Variants in MKKS observed in about 807,000 individuals in gnomAD.
MKKS encodes the protein MKKS centrosomal shuttling protein.
MKKS carries 29 observed loss-of-function variants against 33.2 expected under a neutral mutation model. The observed-to-expected ratio is 0.87, with a 90% CI of 0.65 to 1.19. MKKS has a LOEUF of 1.19. Ranked by LOEUF, MKKS falls within the 50% of genes most tolerant of loss-of-function variation. MKKS has a pLI of 0.00. For missense variants in MKKS, 661 were observed against 662.3 expected, an observed-to-expected ratio of 1.00 and a Z score of 0.02; for synonymous variants, 260 against 244.0, an observed-to-expected ratio of 1.07 and a Z score of -0.61.
At chr20:10,420,398 C>T (rs2064971376) in intron 2 of MKKS, 130 bp downstream of exon 2, 1 of 152,120 alleles carries the variant, frequency 6.6e-6, no homozygotes, top group African/African-American at 2.4e-5. Context: ...AGTATTTTGC[C>T]AGTGGGTCAC....
At position 10,408,666 on chromosome 20, in the gene MKKS, G is replaced by C; in HGVS notation, c.1123C>G (p.Leu375Val). 6.2e-7 allele frequency: 1 copy of C among 1,614,030 alleles called. No homozygotes were observed. ...CAGGCAGTGTCATTTCTGTTGCAGA[G>C]AAGCAAGCTGCAGATTGTTGCTTCA... is the stretch of plus-strand genomic sequence containing the variant. ...PNEATICSLL[L>V]CNRNDTAWDE... The change falls in exon 4 of 6, where the codon CTC becomes GTC. Residue 375 changes from leucine (L) to valine (V), a missense_variant. By Grantham distance (32) the Leu-to-Val change is conservative (BLOSUM62 1). Transcript: ENST00000347364.
intron 1 of MKKS, among the ~76,000 whole-genome samples, chr20:10,428,681 A>G (rs528837208): frequency 3.9e-5 from 6 of 152,288 alleles, no homozygotes; most frequent in African/African-American, 1.2e-4. Context: ...TCTACCAAAA[A>G]TATGAAAAAT....
In MKKS at chr20:10,405,212, ATTTG is replaced by A. The variant is rs763344757; in HGVS notation, c.*31_*34del. The A allele has an allele frequency of 2.0e-5, 31 of 1,536,566 alleles. No individual in the cohort carries two copies. Among genetic ancestry groups the A allele is most frequent in the Non-Finnish European group, 2.7e-5 (30 of 1,126,480 alleles). On this transcript the variant is annotated 3_prime_UTR_variant, in exon 6 of 6. Transcript: ENST00000347364. Reference sequence around the variant, plus strand: ...TTCTCAATTGCCAACAGACTAGTTTATTTGTTTCTCTTGTAATACGAACATGCTA... The same window carrying A: ...TTCTCAATTGCCAACAGACTAGTTTATTTCTCTTGTAATACGAACATGCTA...
rs377619965 is a variant in MKKS, at chr20:10,413,011, T to C, written c.504A>G (p.Arg168=). The C allele has an allele frequency of 6.2e-7, 1 of 1,613,970 alleles. No individual in the cohort carries two copies. Among genetic ancestry groups the C allele is most frequent in the African/African-American group, 1.3e-5 (1 of 74,922 alleles). Residue 168 remains arginine, a synonymous_variant, in exon 3 of 6, where the codon AGA becomes AGG. Transcript: ENST00000347364. ...LTSKPACMLT[R]KETEHVSALI... ...AAGCACTGACATGCTCTGTTTCCTT[T>C]CTGGTGAGCATACAGGCAGGTTTAC... is the stretch of plus-strand genomic sequence containing the variant.
Position 10,412,776 on chromosome 20 carries a change from T to C in MKKS, c.739A>G (p.Thr247Ala), listed in dbSNP as rs747730988. Residue 247 changes from threonine (T) to alanine (A), a missense_variant, in exon 3 of 6, where the codon ACT becomes GCT. Coordinates refer to ENST00000347364, the MANE Select transcript of MKKS (RefSeq NM_170784.3). ...TALKVALFCTTLSGDTSDTGE... is the reference protein window; with the variant it reads ...TALKVALFCTALSGDTSDTGE... ...GTGTCAGAAGTGTCTCCGGATAAAG[T>C]TGTACAAAAGAGTGCCACCTTGAGG... The C allele has an allele frequency of 6.2e-7, 1 of 1,614,042 alleles. No individual in the cohort carries two copies. The highest frequency in any genetic ancestry group is 2.2e-5 in the East Asian group (1 of 44,888).
At chr20:10,430,919 T>G (rs2065049888) in intron 1 of MKKS, among the ~76,000 whole-genome samples, 1 of 152,226 alleles carries the variant, frequency 6.6e-6, no homozygotes, top group Admixed American at 6.5e-5. Context: ...AACAACGTTT[T>G]ACATAAGAGC....
At chr20:10,406,067 T>G (rs2064841978) in intron 5 of MKKS, among the ~76,000 whole-genome samples, 1 of 152,190 alleles carries the variant, frequency 6.6e-6, no homozygotes, top group Admixed American at 6.5e-5. Flanking sequence ...TGAAGACTGA[T>G]GTCCCAAATG....
rs2064835229 is a variant in MKKS, at chr20:10,405,414, T to C, written c.1546A>G (p.Thr516Ala). 1 of 1,614,082 alleles carries C rather than the reference T, an allele frequency of 6.2e-7. No homozygotes were observed. The highest frequency in any genetic ancestry group is 8.5e-7 in the Non-Finnish European group (1 of 1,180,050). ...EELNWSFLRS[T>A]RRPFVPQSCL... ...CTTTGTGGCACAAATGGACGACGTG[T>C]GCTTCTTAAGAAAGACCAGTTGAGT... Residue 516 changes from threonine (T) to alanine (A), a missense_variant, in exon 6 of 6, where the codon ACA becomes GCA. Thr to Ala is a moderately conservative substitution (Grantham distance 58, BLOSUM62 0). Transcript: ENST00000347364.
At chr20:10,411,040 G>GA (rs2064881557) in intron 3 of MKKS, among the ~76,000 whole-genome samples, 1 of 150,774 alleles carries the variant, frequency 6.6e-6, no homozygotes, top group Admixed American at 6.6e-5. Flanking sequence ...AGGCTGGAGT[G>GA]CAGTGGCGCA....
At position 10,405,009 on chromosome 20, in the gene MKKS, A is replaced by AT; in HGVS notation, c.*237_*238insA. 1 of 344,484 alleles carries AT rather than the reference A, an allele frequency of 2.9e-6. No individual in the cohort carries two copies. The highest frequency in any genetic ancestry group is 5.3e-6 in the Non-Finnish European group (1 of 190,200). 21.3% of individuals were successfully genotyped at this position (344,484 alleles called of 1,614,324 possible). ...GAACAATGTACAGCAGCCAGTATAGAATCCCTAAGATAACTATAATATTTT... is the reference window on the plus strand; with the variant it reads ...GAACAATGTACAGCAGCCAGTATAGATATCCCTAAGATAACTATAATATTTT... On this transcript the variant is annotated 3_prime_UTR_variant, in exon 6 of 6. Transcript: ENST00000347364.
chr20:10,411,904 T>C (rs1162403126), intron 3 of MKKS, among the ~76,000 whole-genome samples: 2 of 152,250 alleles, frequency 1.3e-5, no homozygotes, highest in African/African-American at 4.8e-5. Flanking sequence ...TTTTTGCCTA[T>C]TTTAGTTCTG....
chr20:10,410,552 C>G (rs1654637820), intron 3 of MKKS, among the ~76,000 whole-genome samples: 1 of 152,178 alleles, frequency 6.6e-6, no homozygotes, highest in African/African-American at 2.4e-5. Context: ...TGCTTGAACC[C>G]AGGAGGCAGA....
Position 10,407,681 on chromosome 20 carries a change from C to T in MKKS, c.1207G>A (p.Glu403Lys). 6.2e-7 allele frequency: 1 copy of T among 1,614,032 alleles called. No homozygotes were observed. The highest frequency in any genetic ancestry group is 8.5e-7 in the Non-Finnish European group (1 of 1,179,942). Residue 403 changes from glutamate (E) to lysine (K), a missense_variant, in exon 5 of 6, where the codon GAA (glutamate) becomes AAA (lysine). By Grantham distance (56) the Glu-to-Lys change is moderately conservative (BLOSUM62 1). Transcript: ENST00000347364. ...ALHVLQLTLK[E>K]PWALLGGGCT... ...CCACCTCCCAACAAAGCCCATGGTT[C>T]CTTGAGTGTTAACTGCAGGACATGC...
At chr20:10,431,409 C>T (rs1324627423) in intron 1 of MKKS, among the ~76,000 whole-genome samples, 1 of 151,990 alleles carries the variant, frequency 6.6e-6, no homozygotes, top group East Asian at 1.9e-4. Context: ...GACTACTAGC[C>T]TCAGGGGGGA....
intron 2 of MKKS, among the ~76,000 whole-genome samples, chr20:10,414,265 C>CTTTT (rs533171103): frequency 0.12 from 15,910 of 131,866 alleles, 1,074 homozygotes; most frequent in South Asian, 0.21. Context: ...GTCTCTGAGT[C>CTTTT]TTTTTTTTTT....
At chr20:10,410,122 A>T (rs1231365874) in intron 3 of MKKS, among the ~76,000 whole-genome samples, 3 of 152,066 alleles carry the variant, frequency 2.0e-5, no homozygotes, top group Non-Finnish European at 2.9e-5. Context: ...TGAATACTTT[A>T]AAAAAGTGAT....
intron 1 of MKKS, among the ~76,000 whole-genome samples, chr20:10,425,865 C>T (rs1210358726): frequency 6.6e-6 from 1 of 152,046 alleles, no homozygotes; most frequent in Non-Finnish European, 1.5e-5. Flanking sequence ...CCTGAATCTT[C>T]TTTAAACATA....
Position 10,405,356 on chromosome 20 carries a change from C to T in MKKS, c.1604G>A (p.Ser535Asn). Residue 535 changes from serine (S) to asparagine (N), a missense_variant, in exon 6 of 6, where the codon AGC (serine) becomes AAC (asparagine). Physicochemically the swap from Ser to Asn is conservative, Grantham distance 46. Transcript: ENST00000347364. Reference sequence around the variant, plus strand: ...AGTCAAACAGTCCAAGGTCAGGTTGCTGGCTGAGCCCACAGCTTCATGTGG... The same window carrying T: ...AGTCAAACAGTCCAAGGTCAGGTTGTTGGCTGAGCCCACAGCTTCATGTGG... ...CLPHEAVGSA[S>N]NLTLDCLTAK... The T allele has an allele frequency of 6.2e-7, 1 of 1,614,196 alleles. No homozygotes were observed. Among genetic ancestry groups the T allele is most frequent in the South Asian group, 1.1e-5 (1 of 91,084 alleles).
intron 1 of MKKS, among the ~76,000 whole-genome samples, chr20:10,424,736 G>A (rs1355167868): frequency 3.3e-5 from 5 of 151,814 alleles, no homozygotes; most frequent in Non-Finnish European, 5.9e-5. Context: ...TTTCTTCTTA[G>A]TTCCTCTGTG....
Sources: allele counts gnomAD v4.1 joint callset (sites outside exome capture counted in the v4.1 genomes callset), GRCh38; gene constraint gnomAD v4.1.1; transcripts MANE v1.5; gene names NCBI Gene and HGNC (gene_info 2026-07-23, HGNC 2026-07-21).